Variants in CEP63 observed in about 807,000 individuals in gnomAD.
CEP63 encodes centrosomal protein of 63 kDa.
In CEP63, 84 loss-of-function variants were observed where a neutral mutation model predicts 89.1. The ratio of observed to expected loss-of-function variants is 0.94; its 90% CI spans 0.79 to 1.13. The LOEUF (loss-of-function observed/expected upper bound fraction) is 1.13. Among genes scored for constraint, CEP63 ranks in the 50% most tolerant of loss-of-function variants. The pLI is 0.00. For synonymous variants in CEP63, 267 were observed against 272.5 expected, an observed-to-expected ratio of 0.98 and a Z score of 0.20; for missense variants, 838 against 813.3, an observed-to-expected ratio of 1.03 and a Z score of -0.37.
In CEP63 at chr3:134,499,051, T is replaced by C. The variant is rs115056608; in HGVS notation, c.44+3687T>C. 3.8e-3 allele frequency among the ~76,000 whole-genome samples: 585 copies of C among 152,322 alleles called. 3 individuals carry two copies. The highest frequency in any genetic ancestry group is 0.013 in the African/African-American group (533 of 41,578). On this transcript the variant is annotated intron_variant, in intron 2 of 14. Coordinates refer to ENST00000675561, the MANE Select transcript of CEP63 (RefSeq NM_001353108.3). Reference sequence around the variant, plus strand: ...TGTCATCAGAGTAAAGGTGGCCTTGTAGAATGAGTTAGGAAAATTTTTCTC... The same window carrying C: ...TGTCATCAGAGTAAAGGTGGCCTTGCAGAATGAGTTAGGAAAATTTTTCTC...
At chr3:134,610,320 C>T in the CEP63 span, 6 of 1,613,768 alleles carry the variant, frequency 3.7e-6, no homozygotes, top group Non-Finnish European at 3.4e-6. Flanking sequence ...AGAAGCTCTG[C>T]CCTGTCTGGT....
chr3:134,633,797 A>T, the CEP63 span, among the ~76,000 whole-genome samples: 1 of 152,158 alleles, frequency 6.6e-6, no homozygotes, highest in Non-Finnish European at 1.5e-5. Flanking sequence ...ACAGATTGGC[A>T]AGGAAGAAAT....
chr3:134,505,575 G>T (rs781729306), intron 2 of CEP63, among the ~76,000 whole-genome samples: 1 of 152,160 alleles, frequency 6.6e-6, no homozygotes, highest in Non-Finnish European at 1.5e-5. Flanking sequence ...AGCAGGCAGG[G>T]CAGATCAATC....
chr3:134,520,307 A>G (rs1489688192), intron 3 of CEP63, among the ~76,000 whole-genome samples: 1 of 152,216 alleles, frequency 6.6e-6, no homozygotes, highest in African/African-American at 2.4e-5. Flanking sequence ...GAAGTTAAAA[A>G]AGATACCCTT....
chr3:134,546,401 C>T (rs1953327364), intron 8 of CEP63, 113 bp downstream of exon 8: 2 of 987,034 alleles, frequency 2.0e-6, no homozygotes, highest in South Asian at 1.7e-5. Flanking sequence ...TCCTGTTGCC[C>T]AGACTGGAGT....
chr3:134,532,750 TTAAA>T (rs1950091242), intron 4 of CEP63, 24 bp from the exon 5 acceptor site: 3 of 1,578,778 alleles, frequency 1.9e-6, no homozygotes, highest in Admixed American at 1.7e-5. Context: ...TTCTTAAACT[TTAAA>T]TATAGAAATA....
chr3:134,537,933 G>C (rs1427163527), intron 6 of CEP63, among the ~76,000 whole-genome samples: 1 of 152,136 alleles, frequency 6.6e-6, no homozygotes, highest in Non-Finnish European at 1.5e-5. Context: ...TCTTGTAATG[G>C]CTTAAGCAAA....
At chr3:134,680,700 A>T in the CEP63 span, among the ~76,000 whole-genome samples, 1 of 152,202 alleles carries the variant, frequency 6.6e-6, no homozygotes, top group African/African-American at 2.4e-5. Flanking sequence ...GAAAAACTTA[A>T]ATACAAAAGG....
Position 134,564,389 on chromosome 3 carries a change from G to A in CEP63, c.*2854G>A. 1.0e-6 allele frequency: 1 copy of A among 985,492 alleles called. No homozygotes were observed. Among genetic ancestry groups the A allele is most frequent in the Non-Finnish European group, 1.2e-6 (1 of 830,010 alleles). 61.0% of individuals were successfully genotyped at this position (985,492 alleles called of 1,614,324 possible). On this transcript the variant is annotated 3_prime_UTR_variant, in exon 15 of 15. Coordinates refer to ENST00000675561, the MANE Select transcript of CEP63 (RefSeq NM_001353108.3). ...TGGCTACTTTATCTGGCTTGGCAAA[G>A]CTTTCCCATATCCCCTGACCCATGT... is the stretch of plus-strand genomic sequence containing the variant.
chr3:134,586,143 T>C (rs1209819878), intron 10 of CEP63, among the ~76,000 whole-genome samples: 1 of 139,000 alleles, frequency 7.2e-6, no homozygotes, highest in Non-Finnish European at 1.6e-5. Context: ...GTCTTGACTA[T>C]CTAATTTTCC....
At chr3:134,581,587 G>GCAAA (rs756169625) in intron 10 of CEP63, among the ~76,000 whole-genome samples, 3 of 150,462 alleles carry the variant, frequency 2.0e-5, no homozygotes, top group African/African-American at 7.3e-5. Context: ...GTCTCAAAAA[G>GCAAA]CAAACAAACA....
At chr3:134,664,244 A>G in the CEP63 span, among the ~76,000 whole-genome samples, 12 of 152,208 alleles carry the variant, frequency 7.9e-5, no homozygotes, top group African/African-American at 1.7e-4. Flanking sequence ...AAGTCCCAGC[A>G]TTCCCAAGTG....
the CEP63 span, among the ~76,000 whole-genome samples, chr3:134,762,111 G>A: frequency 1.3e-5 from 2 of 152,136 alleles, no homozygotes; most frequent in Non-Finnish European, 2.9e-5. Context: ...ATCAATGCCA[G>A]CACAGTGAAG....
downstream of CEP63, among the ~76,000 whole-genome samples, chr3:134,587,871 C>T (rs1454767671): frequency 6.6e-6 from 1 of 151,366 alleles, no homozygotes. Context: ...GTTTTTAATA[C>T]ATCTCTCTCA....
At chr3:134,568,733 C>A (rs146488697), downstream of CEP63, among the ~76,000 whole-genome samples, 6 of 152,316 alleles carry the variant, frequency 3.9e-5, no homozygotes, top group East Asian at 1.2e-3. Context: ...TTTAACAACA[C>A]CAAGCAATTC....
At chr3:134,744,363 G>A in the CEP63 span, among the ~76,000 whole-genome samples, 2 of 152,170 alleles carry the variant, frequency 1.3e-5, no homozygotes, top group Non-Finnish European at 2.9e-5. Flanking sequence ...GACACCTTTA[G>A]ATTCTCAGAA....
chr3:134,760,557 G>A, the CEP63 span, among the ~76,000 whole-genome samples: 1 of 152,180 alleles, frequency 6.6e-6, no homozygotes, highest in Non-Finnish European at 1.5e-5. Flanking sequence ...AGTAAATGTG[G>A]TAGAAGAAAG....
the CEP63 span, among the ~76,000 whole-genome samples, chr3:134,684,106 T>A: frequency 6.6e-5 from 10 of 152,294 alleles, no homozygotes; most frequent in East Asian, 1.7e-3. Flanking sequence ...GTCCTAAGAC[T>A]TTTTTGTTCT....
the CEP63 span, among the ~76,000 whole-genome samples, chr3:134,678,492 A>G: frequency 1.3e-5 from 2 of 152,218 alleles, no homozygotes; most frequent in African/African-American, 4.8e-5. Flanking sequence ...TGTAATGCCC[A>G]GCCCTCACCA....
Sources: gnomAD v4.1 joint callset for allele counts (sites outside exome capture counted in the v4.1 genomes callset) on GRCh38, gnomAD v4.1.1 for gene constraint, MANE v1.5 for transcripts, NCBI Gene and HGNC (gene_info 2026-07-23, HGNC 2026-07-21) for gene names.